The following RAD51B variants were observed in gnomAD, a reference collection of about 807,000 sequenced individuals.
RAD51B encodes the protein RAD51 paralog B.
Under a neutral mutation model 42.2 loss-of-function variants are expected in RAD51B, and 38 were observed. The observed-to-expected ratio is 0.90, with a 90% CI of 0.70 to 1.18. The LOEUF (loss-of-function observed/expected upper bound fraction) is 1.18. RAD51B is among the 50% of genes most tolerant of loss of function. RAD51B has a pLI of 0.00. For missense variants in RAD51B, 373 were observed against 400.7 expected (o/e 0.93, Z 0.59); for synonymous variants, 154 against 145.2 (o/e 1.06, Z -0.43).
intron 7 of RAD51B, among the ~76,000 whole-genome samples, chr14:68,150,150 G>A (rs1052957704): frequency 6.6e-6 from 1 of 152,144 alleles, no homozygotes; most frequent in African/African-American, 2.4e-5. Context: ...TCACCATGTT[G>A]GTCAGGCTAG....
At chr14:67,966,368 T>C (rs2074777280) in intron 7 of RAD51B, among the ~76,000 whole-genome samples, 1 of 152,240 alleles carries the variant, frequency 6.6e-6, no homozygotes, top group Non-Finnish European at 1.5e-5. Flanking sequence ...CTCTGCCTAG[T>C]CATGCTTCTC....
intron 8 of RAD51B, among the ~76,000 whole-genome samples, chr14:68,303,797 A>G (rs891811745): frequency 1.3e-5 from 2 of 152,216 alleles, no homozygotes; most frequent in Non-Finnish European, 2.9e-5. Context: ...CAAGGCGCCT[A>G]ACAGTTAGAA....
intron 8 of RAD51B, among the ~76,000 whole-genome samples, chr14:68,320,392 G>A (rs1031997947): frequency 6.6e-6 from 1 of 152,192 alleles, no homozygotes; most frequent in Non-Finnish European, 1.5e-5. Flanking sequence ...ATTAAAATGT[G>A]TTATCATTTT....
intron 4 of RAD51B, among the ~76,000 whole-genome samples, chr14:67,845,503 A>T (rs561050480): frequency 9.2e-5 from 14 of 152,164 alleles, no homozygotes; most frequent in Middle Eastern, 3.4e-3. Context: ...CCCTGTCTCT[A>T]CAAAAAATGC....
intron 10 of RAD51B, among the ~76,000 whole-genome samples, chr14:68,505,620 G>A (rs754545487): frequency 1.1e-4 from 16 of 145,244 alleles, no homozygotes; most frequent in Non-Finnish European, 1.5e-4. Context: ...GCATGATCTC[G>A]GCTCACTGCA....
At chr14:67,858,962 T>A (rs1050996102) in intron 4 of RAD51B, among the ~76,000 whole-genome samples, 2 of 152,248 alleles carry the variant, frequency 1.3e-5, no homozygotes, top group African/African-American at 4.8e-5. Context: ...AGCTCTGAAT[T>A]TAGACTAGCA....
At chr14:68,453,212 T>C (rs944743303) in intron 9 of RAD51B, among the ~76,000 whole-genome samples, 2 of 152,256 alleles carry the variant, frequency 1.3e-5, no homozygotes, top group Non-Finnish European at 2.9e-5. Context: ...TTCTTTCTCA[T>C]GATTCATTTG....
chr14:68,012,572 C>T (rs546086817), intron 7 of RAD51B, among the ~76,000 whole-genome samples: 3 of 152,130 alleles, frequency 2.0e-5, no homozygotes, highest in East Asian at 1.9e-4. Context: ...GCATTCAAAA[C>T]GTGCCAGCAA....
chr14:68,665,801 CCT>C (rs1345219975), intron 11 of RAD51B, among the ~76,000 whole-genome samples: 1 of 152,210 alleles, frequency 6.6e-6, no homozygotes, highest in African/African-American at 2.4e-5. Flanking sequence ...TACCCATGCC[CCT>C]GTTTCTTGGG....
intron 7 of RAD51B, among the ~76,000 whole-genome samples, chr14:68,154,401 T>C (rs1259174271): frequency 6.6e-6 from 1 of 152,212 alleles, no homozygotes; most frequent in Non-Finnish European, 1.5e-5. Context: ...ATAGGCATTA[T>C]TCTTGGTCCT....
chr14:68,577,359 T>C (rs1890008091), intron 10 of RAD51B, among the ~76,000 whole-genome samples: 1 of 152,160 alleles, frequency 6.6e-6, no homozygotes, highest in African/African-American at 2.4e-5. Flanking sequence ...TTAATCATTT[T>C]GAAGATGAAG....
intron 7 of RAD51B, among the ~76,000 whole-genome samples, chr14:68,108,756 A>G (rs1414839277): frequency 6.6e-6 from 1 of 151,938 alleles, no homozygotes; most frequent in Non-Finnish European, 1.5e-5. Context: ...AAAAGGGCGA[A>G]TTTTATGATA....
At chr14:68,677,565 C>G (rs1893337197) in intron 11 of RAD51B, among the ~76,000 whole-genome samples, 1 of 152,328 alleles carries the variant, frequency 6.6e-6, no homozygotes, top group African/African-American at 2.4e-5. Flanking sequence ...GTTCTAAACC[C>G]TGTAGTTCTC....
chr14:67,984,928 T>C (rs937561362), intron 7 of RAD51B, among the ~76,000 whole-genome samples: 9 of 152,182 alleles, frequency 5.9e-5, no homozygotes, highest in Admixed American at 2.0e-4. Flanking sequence ...AAAATACATA[T>C]GTTGAGGGAG....
At chr14:68,549,821 C>T (rs780539991) in intron 10 of RAD51B, among the ~76,000 whole-genome samples, 1 of 152,220 alleles carries the variant, frequency 6.6e-6, no homozygotes, top group Non-Finnish European at 1.5e-5. Context: ...TCCTGCCACT[C>T]TCTGCTGACT....
chr14:68,055,722 G>A (rs532337250), intron 7 of RAD51B, among the ~76,000 whole-genome samples: 13 of 152,278 alleles, frequency 8.5e-5, no homozygotes, highest in South Asian at 6.2e-4. Flanking sequence ...AATGAAACAC[G>A]CATCTGACAG....
chr14:68,144,849 A>G (rs2078216902), intron 7 of RAD51B, among the ~76,000 whole-genome samples: 1 of 152,010 alleles, frequency 6.6e-6, no homozygotes, highest in Non-Finnish European at 1.5e-5. Flanking sequence ...TTTTGATGGG[A>G]TCTTGTTTAC....
chr14:68,029,206 C>T (rs770099455), intron 7 of RAD51B, among the ~76,000 whole-genome samples: 68 of 152,170 alleles, frequency 4.5e-4, no homozygotes, highest in Non-Finnish European at 8.8e-4. Flanking sequence ...TCTGAAGATC[C>T]GTTCAAATTG....
chr14:68,633,078 CA>C (rs1892270336), intron 10 of RAD51B, among the ~76,000 whole-genome samples: 1 of 131,414 alleles, frequency 7.6e-6, no homozygotes, highest in Non-Finnish European at 1.5e-5. Flanking sequence ...CTTGGCCTCC[CA>C]AAGTGCTGAA....
Sources: gnomAD v4.1 joint callset for allele counts (sites outside exome capture counted in the v4.1 genomes callset) on GRCh38, gnomAD v4.1.1 for gene constraint, MANE v1.5 for transcripts, NCBI Gene and HGNC (gene_info 2026-07-23, HGNC 2026-07-21) for gene names.